The following RTN1 variants were observed in gnomAD, a reference collection of about 807,000 sequenced individuals.
RTN1 encodes the protein reticulon-1.
A neutral mutation model predicts 65.5 loss-of-function variants in RTN1; 25 were observed. The ratio of observed to expected loss-of-function variants is 0.38; its 90% CI spans 0.28 to 0.53. The LOEUF (loss-of-function observed/expected upper bound fraction) is 0.53, where lower values mean the gene tolerates loss of function less well. RTN1 is among the 20% of genes least tolerant of loss of function. The pLI is 0.79. For missense variants in RTN1, 983 were observed against 1,025.4 expected (o/e 0.96, Z 0.57); for synonymous variants, 471 against 447.6 (o/e 1.05, Z -0.66).
chr14:59,870,655 A>ACGG lies in RTN1; in HGVS notation c.-28_-26dup, dbSNP rs1040357252. ...TGGCTGGCGGTCCCCCGGCGCGGCG[A>ACGG]CGGCGGCTTGGCTGGGCAGAGGCTC... On this transcript the variant is annotated 5_prime_UTR_variant, in exon 1 of 9. Transcript: ENST00000267484. This position sits in a 1 kb window ranked among gnomAD's most constrained non-coding sequence, Gnocchi z 5.1. The ACGG allele has an allele frequency of 1.8e-5, 25 of 1,355,410 alleles. No individual in the cohort carries two copies. In the African/African-American group the frequency reaches 3.7e-4, roughly 20 times the overall value. 84.0% of individuals were successfully genotyped at this position (1,355,410 alleles called of 1,614,324 possible).
intron 1 of RTN1, among the ~76,000 whole-genome samples, chr14:59,840,854 C>T (rs1052356842): frequency 6.6e-5 from 10 of 152,290 alleles, no homozygotes; most frequent in African/African-American, 2.2e-4. Context: ...GTGGAAATTT[C>T]ACCAAGTCCT....
At chr14:59,674,041 A>T (rs1357943693) in intron 3 of RTN1, among the ~76,000 whole-genome samples, 1 of 152,210 alleles carries the variant, frequency 6.6e-6, no homozygotes. Flanking sequence ...AGCAGTTTCA[A>T]TGCCACAAAA....
chr14:59,808,091 C>T (rs930997442), intron 1 of RTN1, among the ~76,000 whole-genome samples: 1 of 152,160 alleles, frequency 6.6e-6, no homozygotes, highest in African/African-American at 2.4e-5. Flanking sequence ...GAGACCAGGT[C>T]TTCTCCCTTC....
At chr14:59,742,766 C>G (rs1281547705) in intron 2 of RTN1, among the ~76,000 whole-genome samples, 1 of 152,112 alleles carries the variant, frequency 6.6e-6, no homozygotes, top group African/African-American at 2.4e-5. Context: ...TTTTTGTTTT[C>G]AATCTGTTGT....
chr14:59,733,440 G>A (rs139892851), intron 2 of RTN1, among the ~76,000 whole-genome samples: 1,530 of 152,196 alleles, frequency 0.01, 30 homozygotes, highest in African/African-American at 0.034. Context: ...CGCACTAGGC[G>A]AGGCCTCCCA....
chr14:59,816,655 G>A lies in RTN1; in HGVS notation c.241+53735C>T, dbSNP rs756252001. ...ATGCTATAAAATACCCAGTACTAGCGGGGCACAGTGGCTCATGCCTGTAAT... is the reference window on the plus strand; with the variant it reads ...ATGCTATAAAATACCCAGTACTAGCAGGGCACAGTGGCTCATGCCTGTAAT... On this transcript the variant is annotated intron_variant, in intron 1 of 8. Transcript: ENST00000267484. The surrounding 1 kb of genome is among the most constrained non-coding windows in gnomAD (Gnocchi z 4.3). Among the ~76,000 whole-genome samples, 42 of 152,226 alleles carry A rather than the reference G, an allele frequency of 2.8e-4. No homozygotes were observed. Among genetic ancestry groups the A allele is most frequent in the African/African-American group, 8.4e-4 (35 of 41,534 alleles).
At chr14:59,796,782 A>T (rs1380092506) in intron 1 of RTN1, among the ~76,000 whole-genome samples, 4 of 152,156 alleles carry the variant, frequency 2.6e-5, no homozygotes, top group Admixed American at 2.6e-4. Flanking sequence ...CTCCAAAGAA[A>T]TTATTCTCTG....
At chr14:59,866,085 A>T in intron 1 of RTN1, among the ~76,000 whole-genome samples, 1 of 152,152 alleles carries the variant, frequency 6.6e-6, no homozygotes, top group Non-Finnish European at 1.5e-5. Flanking sequence ...CTTCTAGTCA[A>T]GCTTCCAGCA....
At chr14:59,749,408 ATC>A (rs1323048742) in intron 1 of RTN1, among the ~76,000 whole-genome samples, 10 of 68,606 alleles carry the variant, frequency 1.5e-4, no homozygotes, top group African/African-American at 8.4e-4. Flanking sequence ...ATATATCTAT[ATC>A]TATATATATC....
At position 59,749,256 on chromosome 14, in the gene RTN1, CTATATATATCTA is replaced by C. The variant is rs1192096922; in HGVS notation, c.242-2787_242-2776del. Among the ~76,000 whole-genome samples, 29 of 33,912 alleles carry C rather than the reference CTATATATATCTA, an allele frequency of 8.6e-4. 3 individuals are homozygous for C. The highest frequency in any genetic ancestry group is 1.2e-3 in the Non-Finnish European group (26 of 21,410). The allele number at this position is 33,912 out of a possible 152,430, so 22.2% of individuals were successfully genotyped here. A position where few individuals can be genotyped will look rare whatever the true frequency, so the allele number is the denominator to read the frequency against. On this transcript the variant is annotated intron_variant, in intron 1 of 8. Transcript: ENST00000267484. ...TATATATCTATATATATCTATATAT[CTATATATATCTA>C]TATATATATCTATATATATCTATAT...
intron 3 of RTN1, among the ~76,000 whole-genome samples, chr14:59,620,708 G>A (rs919690409): frequency 5.9e-5 from 9 of 152,200 alleles, no homozygotes; most frequent in Non-Finnish European, 1.2e-4. Flanking sequence ...TAAATGGACT[G>A]CCAAAAAGTG....
intron 1 of RTN1, among the ~76,000 whole-genome samples, chr14:59,799,105 A>G (rs1886491545): frequency 6.6e-6 from 1 of 152,214 alleles, no homozygotes; most frequent in Admixed American, 6.5e-5. Context: ...ATTATTTTAA[A>G]CACGTGATTC....
chr14:59,611,015 C>T (rs999076535), intron 3 of RTN1, among the ~76,000 whole-genome samples: 1 of 152,190 alleles, frequency 6.6e-6, no homozygotes, highest in Admixed American at 6.5e-5. Context: ...CTTCCCCCCA[C>T]CCACAAAGTT....
intron 3 of RTN1, among the ~76,000 whole-genome samples, chr14:59,676,940 G>A (rs184087495): frequency 6.6e-6 from 1 of 152,318 alleles, no homozygotes; most frequent in East Asian, 1.9e-4. Flanking sequence ...TTTCTGGGAA[G>A]GCATTATAAG....
intron 1 of RTN1, among the ~76,000 whole-genome samples, chr14:59,751,173 C>G (rs1017216563): frequency 1.4e-5 from 2 of 145,702 alleles, no homozygotes; most frequent in Non-Finnish European, 3.0e-5. Context: ...TACATCTCAG[C>G]TAGGCTTCTC....
At chr14:59,635,344 A>T (rs1376209879) in intron 3 of RTN1, among the ~76,000 whole-genome samples, 1 of 152,230 alleles carries the variant, frequency 6.6e-6, no homozygotes, top group Non-Finnish European at 1.5e-5. Flanking sequence ...TCAATGAGAA[A>T]ATTTACTAAT....
chr14:59,782,106 C>A (rs1413064049), intron 1 of RTN1, among the ~76,000 whole-genome samples: 1 of 152,114 alleles, frequency 6.6e-6, no homozygotes, highest in Non-Finnish European at 1.5e-5. Context: ...AGTGAAAAGG[C>A]ACTGTCTATG....
chr14:59,813,320 G>A (rs1416640367), intron 1 of RTN1, among the ~76,000 whole-genome samples: 2 of 152,280 alleles, frequency 1.3e-5, no homozygotes, highest in East Asian at 3.9e-4. Flanking sequence ...GTTTCTGTGA[G>A]TTTTGAAGCC....
chr14:59,621,885 C>G (rs1950782), intron 3 of RTN1, among the ~76,000 whole-genome samples: 1 of 152,224 alleles, frequency 6.6e-6, no homozygotes, highest in African/African-American at 2.4e-5. Context: ...TAAAATGTGA[C>G]ATAAGCGGAT....
Sources: gnomAD v4.1 joint callset for allele counts (sites outside exome capture counted in the v4.1 genomes callset) on GRCh38, gnomAD v4.1.1 for gene constraint, Gnocchi (gnomAD v3.1) non-coding constraint, MANE v1.5 for transcripts, NCBI Gene and HGNC (gene_info 2026-07-23, HGNC 2026-07-21) for gene names.